The following CERS6 variants were observed in gnomAD, a reference collection of about 807,000 sequenced individuals.
CERS6 encodes ceramide synthase 6, also known as LAG1 homolog, ceramide synthase 6.
Under a neutral mutation model 56.8 loss-of-function variants are expected in CERS6, and 26 were observed. The ratio of observed to expected loss-of-function variants is 0.46; its 90% CI spans 0.34 to 0.63. CERS6 has a LOEUF of 0.63. CERS6 is among the 30% of genes least tolerant of loss of function. The probability of loss-of-function intolerance (pLI) is 0.01; values close to 1 mark genes in which losing one functional copy is unlikely to be tolerated. For synonymous variants in CERS6, 164 were observed against 173.3 expected (o/e 0.95, Z 0.42); for missense variants, 415 against 467.5 (o/e 0.89, Z 1.04).
intron 4 of CERS6, among the ~76,000 whole-genome samples, chr2:168,642,424 G>A (rs1047094880): frequency 6.6e-6 from 1 of 152,160 alleles, no homozygotes; most frequent in Non-Finnish European, 1.5e-5. Context: ...TTTGTCTTTT[G>A]TCTTGTGTTT....
At chr2:168,625,500 A>G (rs1684570880) in intron 3 of CERS6, among the ~76,000 whole-genome samples, 1 of 152,224 alleles carries the variant, frequency 6.6e-6, no homozygotes, top group Admixed American at 6.5e-5. Flanking sequence ...ATGTCAGTTT[A>G]GGAACTATTC....
At chr2:168,614,974 C>A (rs1039340554) in intron 3 of CERS6, among the ~76,000 whole-genome samples, 7 of 152,174 alleles carry the variant, frequency 4.6e-5, no homozygotes, top group East Asian at 3.9e-4. Context: ...TCCATTTCAC[C>A]CCCCCTGCCA....
chr2:168,727,994 C>G (rs1388321185), intron 8 of CERS6, among the ~76,000 whole-genome samples: 1 of 152,204 alleles, frequency 6.6e-6, no homozygotes, highest in East Asian at 1.9e-4. Context: ...TTCAGATGAA[C>G]ATACAAATTT....
At chr2:168,535,669 G>GC (rs369525474) in intron 1 of CERS6, among the ~76,000 whole-genome samples, 11 of 115,592 alleles carry the variant, frequency 9.5e-5, no homozygotes, top group East Asian at 7.5e-4. Context: ...TTTGATACCA[G>GC]TTTTTTTTTT....
chr2:168,563,385 T>TG (rs1370956120), intron 3 of CERS6, among the ~76,000 whole-genome samples: 5 of 152,356 alleles, frequency 3.3e-5, no homozygotes, highest in Non-Finnish European at 5.9e-5. Flanking sequence ...GGCACAATGA[T>TG]GGGGAAGAGA....
intron 4 of CERS6, among the ~76,000 whole-genome samples, chr2:168,671,714 AT>A (rs1685922694): frequency 6.6e-6 from 1 of 152,196 alleles, no homozygotes; most frequent in African/African-American, 2.4e-5. Flanking sequence ...GCAACTCATG[AT>A]ATATGAAGAT....
chr2:168,746,775 G>GTATATATATATATATA (rs71003053), intron 8 of CERS6, among the ~76,000 whole-genome samples: 7 of 39,030 alleles, frequency 1.8e-4, no homozygotes, highest in Admixed American at 3.2e-4. Flanking sequence ...AGGGTAAAGG[G>GTATATATATATATATA]TATATATATA....
chr2:168,673,967 A>G (rs1032154269), intron 4 of CERS6, among the ~76,000 whole-genome samples: 1 of 152,208 alleles, frequency 6.6e-6, no homozygotes, highest in Admixed American at 6.5e-5. Context: ...ACAGCAGATG[A>G]CTAGGAGTTT....
intron 8 of CERS6, among the ~76,000 whole-genome samples, chr2:168,730,661 C>T (rs753315051): frequency 9.9e-5 from 15 of 152,158 alleles, no homozygotes; most frequent in South Asian, 2.1e-4. Context: ...TCGTAACAAG[C>T]TCCATGTCTC....
At chr2:168,572,740 T>C (rs1340101465) in intron 3 of CERS6, among the ~76,000 whole-genome samples, 1 of 152,132 alleles carries the variant, frequency 6.6e-6, no homozygotes, top group Non-Finnish European at 1.5e-5. Flanking sequence ...TGTTCTCTAC[T>C]AGAGCACTTG....
chr2:168,677,679 T>G (rs890015302), intron 4 of CERS6, among the ~76,000 whole-genome samples: 3 of 152,076 alleles, frequency 2.0e-5, no homozygotes. Flanking sequence ...CTATTTTTAG[T>G]AGAGACAGGG....
At chr2:168,740,065 A>G (rs1304141038) in intron 8 of CERS6, among the ~76,000 whole-genome samples, 1 of 152,162 alleles carries the variant, frequency 6.6e-6, no homozygotes, top group Non-Finnish European at 1.5e-5. Flanking sequence ...CTGATGTTGT[A>G]AAGTTCAGTA....
intron 1 of CERS6, among the ~76,000 whole-genome samples, chr2:168,514,149 A>C (rs1469992174): frequency 6.6e-6 from 1 of 152,190 alleles, no homozygotes; most frequent in Non-Finnish European, 1.5e-5. Flanking sequence ...TTTTTCTGAA[A>C]GCTTTTTGAC....
In CERS6 at chr2:168,456,457, G is replaced by T. The variant is rs1693654141; in HGVS notation, c.9G>T (p.Gly3=). The change falls in exon 1 of 10, where the codon GGG becomes GGT. Residue 3 remains glycine, a synonymous_variant. Coordinates refer to ENST00000305747, the MANE Select transcript of CERS6 (RefSeq NM_203463.3). The surrounding 1 kb of genome is among the most constrained non-coding windows in gnomAD (Gnocchi z 4.1). MA[G]ILAWFWNERF... ...GGAGTGGACAAAGCAAGATGGCAGG[G>T]ATCTTAGCCTGGTTCTGGAACGAGA... is the stretch of plus-strand genomic sequence containing the variant. 1 of 1,613,326 alleles carries T rather than the reference G, an allele frequency of 6.2e-7. No individual in the cohort carries two copies. The highest frequency in any genetic ancestry group is 1.1e-5 in the South Asian group (1 of 91,062).
intron 4 of CERS6, among the ~76,000 whole-genome samples, chr2:168,686,251 G>A (rs1332809122): frequency 6.6e-6 from 1 of 150,378 alleles, no homozygotes; most frequent in Non-Finnish European, 1.5e-5. Context: ...CGCGTGGAGA[G>A]GGAGAAATCT....
At chr2:168,678,540 C>A (rs1157909159) in intron 4 of CERS6, among the ~76,000 whole-genome samples, 1 of 152,270 alleles carries the variant, frequency 6.6e-6, no homozygotes, top group South Asian at 2.1e-4. Context: ...TAATATGTTT[C>A]TTTCCCCCCT....
chr2:168,691,177 A>G, intron 5 of CERS6, 93 bp downstream of exon 5: 1 of 1,151,164 alleles, frequency 8.7e-7, no homozygotes, highest in Admixed American at 1.7e-5. Context: ...CAGGTTGGAC[A>G]ACCACCTTCA....
At chr2:168,558,162 G>T (rs970709580) in intron 2 of CERS6, among the ~76,000 whole-genome samples, 2 of 152,198 alleles carry the variant, frequency 1.3e-5, no homozygotes, top group African/African-American at 2.4e-5. Context: ...GCTCTTGCTT[G>T]TGAGTATAAA....
intron 1 of CERS6, among the ~76,000 whole-genome samples, chr2:168,526,502 G>A (rs1423205986): frequency 1.3e-5 from 2 of 152,178 alleles, no homozygotes; most frequent in Non-Finnish European, 2.9e-5. Context: ...GCATTTGCCT[G>A]TATATGTGCC....
Sources: allele counts gnomAD v4.1 joint callset (sites outside exome capture counted in the v4.1 genomes callset), GRCh38; gene constraint gnomAD v4.1.1; non-coding constraint Gnocchi (gnomAD v3.1); transcripts MANE v1.5; gene names NCBI Gene and HGNC (gene_info 2026-07-23, HGNC 2026-07-21).